VTI1A: variants seen among roughly 807,000 people sequenced by gnomAD.
The protein encoded by VTI1A is vesicle transport through interaction with t-SNAREs homolog 1A.
A neutral mutation model predicts 34.9 loss-of-function variants in VTI1A; 22 were observed. That is an observed-to-expected ratio of 0.63 (90% CI 0.45 to 0.90). VTI1A has a LOEUF of 0.90. VTI1A is among the 40% of genes least tolerant of loss of function. The pLI, the probability that VTI1A is intolerant of heterozygous loss-of-function variation, is 0.00. For synonymous variants in VTI1A, 87 were observed against 97.3 expected, an observed-to-expected ratio of 0.89 and a Z score of 0.62; for missense variants, 268 against 275.6, an observed-to-expected ratio of 0.97 and a Z score of 0.20.
chr10:112,531,609 A>T (rs1489140525), intron 4 of VTI1A, among the ~76,000 whole-genome samples: 2 of 152,198 alleles, frequency 1.3e-5, no homozygotes, highest in Non-Finnish European at 2.9e-5. Context: ...TTTGTTTGGA[A>T]CCTATTGAAA....
At chr10:112,660,067 T>C (rs1847387417) in intron 5 of VTI1A, among the ~76,000 whole-genome samples, 1 of 152,198 alleles carries the variant, frequency 6.6e-6, no homozygotes, top group African/African-American at 2.4e-5. Flanking sequence ...AGTTTTCTTA[T>C]ATGCTCTCTG....
chr10:112,559,358 T>C (rs759877590), intron 5 of VTI1A, among the ~76,000 whole-genome samples: 2 of 152,232 alleles, frequency 1.3e-5, no homozygotes, highest in Non-Finnish European at 2.9e-5. Context: ...TTACTTTGTA[T>C]ATCTGGAAAA....
intron 7 of VTI1A, among the ~76,000 whole-genome samples, chr10:112,775,054 C>T (rs1851922677): frequency 1.3e-5 from 2 of 152,184 alleles, no homozygotes; most frequent in African/African-American, 4.8e-5. Flanking sequence ...TCTCACTGAA[C>T]GTCGGTCAGT....
intron 5 of VTI1A, among the ~76,000 whole-genome samples, chr10:112,594,246 C>G (rs961260274): frequency 6.6e-6 from 1 of 152,140 alleles, no homozygotes; most frequent in African/African-American, 2.4e-5. Flanking sequence ...ACACCGTGCA[C>G]TTGTTATCAT....
the VTI1A span, among the ~76,000 whole-genome samples, chr10:112,830,849 A>ATATATATATATTTTTTTTTTT: frequency 3.6e-4 from 12 of 33,498 alleles, no homozygotes; most frequent in African/African-American, 8.6e-4. Context: ...ATATATATAT[A>ATATATATATATTTTTTTTTTT]TTTTTTTTTT....
At chr10:112,604,220 G>A (rs1161329189) in intron 5 of VTI1A, among the ~76,000 whole-genome samples, 1 of 152,064 alleles carries the variant, frequency 6.6e-6, no homozygotes, top group African/African-American at 2.4e-5. Flanking sequence ...GTTAGTTTGG[G>A]TATGTTATCC....
At chr10:112,504,159 G>A (rs1849339738) in intron 3 of VTI1A, among the ~76,000 whole-genome samples, 1 of 152,102 alleles carries the variant, frequency 6.6e-6, no homozygotes, top group African/African-American at 2.4e-5. Context: ...AGGTGGTTCT[G>A]CCAGTATGAT....
the VTI1A span, among the ~76,000 whole-genome samples, chr10:112,830,841 ATATATATAT>A: frequency 3.5e-4 from 16 of 46,188 alleles, 1 homozygote; most frequent in African/African-American, 2.6e-4. Flanking sequence ...ATATATATAT[ATATATATAT>A]TTTTTTTTTT....
At chr10:112,703,183 G>C (rs935214938) in intron 7 of VTI1A, among the ~76,000 whole-genome samples, 1 of 151,864 alleles carries the variant, frequency 6.6e-6, no homozygotes, top group African/African-American at 2.4e-5. Context: ...CCCTTGATAT[G>C]TATTGATAAG....
chr10:112,612,760 A>T (rs1466365142), intron 5 of VTI1A, among the ~76,000 whole-genome samples: 1 of 152,220 alleles, frequency 6.6e-6, no homozygotes, highest in African/African-American at 2.4e-5. Flanking sequence ...TGTAGATAAT[A>T]ACCTATAAAA....
chr10:112,458,015 G>T (rs1004809702), intron 1 of VTI1A, among the ~76,000 whole-genome samples: 3 of 152,174 alleles, frequency 2.0e-5, no homozygotes, highest in African/African-American at 7.2e-5. Flanking sequence ...GCAGGAGTTA[G>T]TTTACAGGGA....
intron 5 of VTI1A, among the ~76,000 whole-genome samples, chr10:112,546,639 C>T (rs1851140880): frequency 2.0e-5 from 3 of 151,970 alleles, no homozygotes; most frequent in Non-Finnish European, 4.4e-5. Context: ...TGTCAAAACA[C>T]ATTTTATCTC....
the VTI1A span, among the ~76,000 whole-genome samples, chr10:112,839,508 C>G: frequency 1.9e-4 from 27 of 142,678 alleles, no homozygotes; most frequent in Admixed American, 1.7e-3. Flanking sequence ...GCCATCTGAG[C>G]TTTTTAAGGA....
chr10:112,611,870 T>C (rs760278378), intron 5 of VTI1A, among the ~76,000 whole-genome samples: 1 of 151,198 alleles, frequency 6.6e-6, no homozygotes, highest in African/African-American at 2.4e-5. Context: ...GCCTCCTGAG[T>C]AGCTGGGACT....
chr10:112,589,159 TG>T (rs993483722), intron 5 of VTI1A, among the ~76,000 whole-genome samples: 3 of 151,730 alleles, frequency 2.0e-5, no homozygotes, highest in Non-Finnish European at 4.4e-5. Context: ...CCTTAATACA[TG>T]GGGGGTGATA....
intron 4 of VTI1A, among the ~76,000 whole-genome samples, chr10:112,530,299 C>T (rs1850372432): frequency 6.6e-6 from 1 of 152,084 alleles, no homozygotes; most frequent in African/African-American, 2.4e-5. Flanking sequence ...TTGAAAATAC[C>T]GTATTTACCA....
chr10:112,609,340 A>T (rs1004120823), intron 5 of VTI1A, among the ~76,000 whole-genome samples: 1 of 152,224 alleles, frequency 6.6e-6, no homozygotes, highest in Non-Finnish European at 1.5e-5. Context: ...TAGCTTTGGA[A>T]CAAGATCATT....
chr10:112,687,047 G>A lies in VTI1A; in HGVS notation c.560+18049G>A, dbSNP rs139599953. Among the ~76,000 whole-genome samples the A allele has an allele frequency of 2.1e-3, 314 of 152,116 alleles. 1 individual carries two copies. The highest frequency in any genetic ancestry group is 3.6e-3 in the Non-Finnish European group (248 of 68,014). ...TAACCTGTTCCCTCAGCTCTGCTGA[G>A]TGTGGCATAATCAGATTCCTTGCTG... On this transcript the variant is annotated intron_variant, in intron 7 of 7. Transcript: ENST00000393077.
At chr10:112,845,135 G>A in the VTI1A span, among the ~76,000 whole-genome samples, 1 of 152,220 alleles carries the variant, frequency 6.6e-6, no homozygotes, top group African/African-American at 2.4e-5. Flanking sequence ...TGTGAGGCCT[G>A]GGAGGGCGTG....
Sources: gnomAD v4.1 joint callset for allele counts (sites outside exome capture counted in the v4.1 genomes callset) on GRCh38, gnomAD v4.1.1 for gene constraint, MANE v1.5 for transcripts, NCBI Gene and HGNC (gene_info 2026-07-23, HGNC 2026-07-21) for gene names.